The following ADGRL3 variants were observed in gnomAD, a reference collection of about 807,000 sequenced individuals.
ADGRL3 encodes calcium-independent alpha-latrotoxin receptor 3.
In ADGRL3, 62 loss-of-function variants were observed where a neutral mutation model predicts 153.5. That is an observed-to-expected ratio of 0.40 (90% CI 0.33 to 0.50). The LOEUF (loss-of-function observed/expected upper bound fraction) is 0.50, where lower values mean the gene tolerates loss of function less well. ADGRL3 is among the 20% of genes least tolerant of loss of function. ADGRL3 has a pLI of 0.47. For synonymous variants in ADGRL3, 710 were observed against 672.5 expected, an observed-to-expected ratio of 1.06 and a Z score of -0.86; for missense variants, 1,641 against 1,859.4, an observed-to-expected ratio of 0.88 and a Z score of 2.16.
chr4:61,980,092 C>A (rs1016396114), intron 18 of ADGRL3, among the ~76,000 whole-genome samples: 1 of 152,136 alleles, frequency 6.6e-6, no homozygotes, highest in Non-Finnish European at 1.5e-5. Context: ...TAGTGTCCTT[C>A]ATTTTCAACA....
intron 21 of ADGRL3, among the ~76,000 whole-genome samples, chr4:62,009,146 G>C (rs913400358): frequency 6.6e-6 from 1 of 152,092 alleles, no homozygotes. Context: ...ACACATGACT[G>C]TATATGCTTT....
At chr4:61,283,016 G>A (rs1257882735) in intron 1 of ADGRL3, among the ~76,000 whole-genome samples, 5 of 152,008 alleles carry the variant, frequency 3.3e-5, no homozygotes, top group Non-Finnish European at 7.4e-5. Context: ...TGGATATCAA[G>A]CCTTTTTTAT....
intron 2 of ADGRL3, among the ~76,000 whole-genome samples, chr4:61,422,375 A>T (rs1384562106): frequency 6.6e-6 from 1 of 152,100 alleles, no homozygotes; most frequent in Non-Finnish European, 1.5e-5. Flanking sequence ...ATTTCTCATC[A>T]TGTATTTTCA....
chr4:61,692,032 A>G (rs1037623857), intron 6 of ADGRL3, among the ~76,000 whole-genome samples: 1 of 152,182 alleles, frequency 6.6e-6, no homozygotes. Context: ...GTTTAATAAA[A>G]ATAGATTATG....
At chr4:61,753,488 T>C (rs2096782623) in intron 8 of ADGRL3, among the ~76,000 whole-genome samples, 1 of 152,194 alleles carries the variant, frequency 6.6e-6, no homozygotes, top group Non-Finnish European at 1.5e-5. Context: ...AGGGCTTCTT[T>C]AGATATTCCT....
chr4:61,571,459 G>A (rs2098838489), intron 4 of ADGRL3, among the ~76,000 whole-genome samples: 1 of 152,142 alleles, frequency 6.6e-6, no homozygotes, highest in African/African-American at 2.4e-5. Flanking sequence ...GCTGCAGTGA[G>A]CTATGATTGC....
rs149902296 is a variant in ADGRL3 at position 61,316,130 on chromosome 4, G to A, written c.-239-66994G>A. 9.9e-4 allele frequency among the ~76,000 whole-genome samples: 151 copies of A among 152,224 alleles called. 2 individuals carry two copies. The East Asian group carries it at 0.027, about 28-fold the overall frequency. On this transcript the variant is annotated intron_variant, in intron 1 of 26. Transcript: ENST00000683033. ...ATAATTAAAATAGCACAGAATACAG[G>A]TACAGAGAATGATTTGGGAATGAGG...
rs144133882 is a variant in ADGRL3, at chr4:61,605,978, C to T, written c.473+18538C>T. ...TTACAAGGAGATTTAATGGGAGAGA[C>T]GACAAATACTTTACATAAAATATGG... On this transcript the variant is annotated intron_variant, in intron 5 of 26. Transcript: ENST00000683033. 6.8e-3 allele frequency among the ~76,000 whole-genome samples: 1,036 copies of T among 152,096 alleles called. 33 individuals carry two copies. Among genetic ancestry groups the T allele is most frequent in the Admixed American group, 0.053 (805 of 15,276 alleles).
chr4:61,542,384 C>T (rs2098694489), intron 4 of ADGRL3, among the ~76,000 whole-genome samples: 1 of 152,066 alleles, frequency 6.6e-6, no homozygotes, highest in Non-Finnish European at 1.5e-5. Flanking sequence ...AAAAAGTTCC[C>T]CTACGTCTAA....
chr4:61,960,512 A>G lies in ADGRL3; in HGVS notation c.2805+12236A>G, dbSNP rs562718875. On this transcript the variant is annotated intron_variant, in intron 17 of 26. Transcript: ENST00000683033. ...TCTGGGTTTGGGTTTTACTCTGAGC[A>G]CTCTGGAAAGCCACAGGAGAGTTTT... Among the ~76,000 whole-genome samples the G allele has an allele frequency of 2.0e-5, 3 of 152,210 alleles. No homozygotes were observed. The East Asian group carries it at 5.8e-4, about 29-fold the overall frequency.
At chr4:61,331,421 T>G (rs1018774044) in intron 1 of ADGRL3, among the ~76,000 whole-genome samples, 2 of 152,172 alleles carry the variant, frequency 1.3e-5, no homozygotes, top group African/African-American at 4.8e-5. Flanking sequence ...TATGACCAAT[T>G]TTGGTTCAAT....
At chr4:61,350,519 C>T (rs564531593) in intron 1 of ADGRL3, among the ~76,000 whole-genome samples, 10 of 151,922 alleles carry the variant, frequency 6.6e-5, no homozygotes, top group Non-Finnish European at 1.3e-4. Context: ...ATGATTTTTG[C>T]AAATTGAAGA....
chr4:61,989,892 GACAA>G (rs1327392065), intron 19 of ADGRL3, among the ~76,000 whole-genome samples: 2 of 151,934 alleles, frequency 1.3e-5, no homozygotes, highest in Non-Finnish European at 2.9e-5. Context: ...GGTACATAGT[GACAA>G]ACATTGTTGA....
At chr4:61,761,967 A>C (rs2096918385) in intron 8 of ADGRL3, among the ~76,000 whole-genome samples, 1 of 152,308 alleles carries the variant, frequency 6.6e-6, no homozygotes, top group Non-Finnish European at 1.5e-5. Flanking sequence ...ACAAATAAAT[A>C]AAATTATCAG....
At chr4:61,626,448 T>C (rs1259636512) in intron 5 of ADGRL3, among the ~76,000 whole-genome samples, 1 of 151,950 alleles carries the variant, frequency 6.6e-6, no homozygotes, top group Admixed American at 6.6e-5. Context: ...TGATCTCTAA[T>C]TTAATATCCT....
At chr4:61,364,590 C>T (rs575978578) in intron 1 of ADGRL3, among the ~76,000 whole-genome samples, 7 of 151,684 alleles carry the variant, frequency 4.6e-5, no homozygotes, top group Non-Finnish European at 8.8e-5. Flanking sequence ...TTGTAGCACA[C>T]GAAATAGCAC....
At chr4:61,229,917 T>C (rs377485992) in intron 1 of ADGRL3, among the ~76,000 whole-genome samples, 26 of 151,668 alleles carry the variant, frequency 1.7e-4, no homozygotes, top group South Asian at 8.3e-4. Flanking sequence ...TATATATATA[T>C]ACACACATAT....
chr4:61,611,128 G>C (rs1475452978), intron 5 of ADGRL3, among the ~76,000 whole-genome samples: 2 of 152,132 alleles, frequency 1.3e-5, no homozygotes, highest in Non-Finnish European at 2.9e-5. Context: ...CAGAGTTGAT[G>C]CTTAACAGGT....
chr4:61,598,248 G>A (rs1167355068), intron 5 of ADGRL3, among the ~76,000 whole-genome samples: 1 of 152,094 alleles, frequency 6.6e-6, no homozygotes, highest in African/African-American at 2.4e-5. Flanking sequence ...AATAATATTA[G>A]CAGCACAAAC....
Sources: gnomAD v4.1 joint callset for allele counts (sites outside exome capture counted in the v4.1 genomes callset) on GRCh38, gnomAD v4.1.1 for gene constraint, MANE v1.5 for transcripts, NCBI Gene and HGNC (gene_info 2026-07-23, HGNC 2026-07-21) for gene names.